Variants in DDX60L observed in about 807,000 individuals in gnomAD.
DDX60L encodes the protein probable ATP-dependent RNA helicase DDX60-like.
Under a neutral mutation model 211.6 loss-of-function variants are expected in DDX60L, and 191 were observed. The observed-to-expected ratio is 0.90, with a 90% CI of 0.80 to 1.02. DDX60L has a LOEUF of 1.02. DDX60L is among the 50% of genes least tolerant of loss of function. DDX60L has a pLI of 0.00. For synonymous variants in DDX60L, 706 were observed against 694.1 expected, an observed-to-expected ratio of 1.02 and a Z score of -0.27; for missense variants, 2,007 against 1,984.1, an observed-to-expected ratio of 1.01 and a Z score of -0.22.
In DDX60L at chr4:168,379,794, T is replaced by C. The variant is rs978248221; in HGVS notation, c.4153A>G (p.Lys1385Glu). The C allele has an allele frequency of 9.9e-6, 16 of 1,612,926 alleles. No individual in the cohort carries two copies. In the Admixed American group the frequency reaches 2.0e-4, roughly 20 times the overall value. The change falls in exon 31 of 38, where the codon AAG (lysine) becomes GAG (glutamate). Residue 1385 changes from lysine (K) to glutamate (E), a missense_variant. By Grantham distance (56) the Lys-to-Glu change is moderately conservative. Coordinates refer to ENST00000682922, the MANE Select transcript of DDX60L (RefSeq NM_001012967.3). The part of the protein sequence containing the change: ...SVLKHSLLSF[K>E]RRRAMETLKL... The stretch of plus-strand genomic sequence containing the variant: ...AAAGTCTCCATGGCTCTTCGTCTCT[T>C]AAAAGACAGCAATGAATGCTTTAGC...
intron 29 of DDX60L, chr4:168,390,589 AT>A: frequency 1.1e-6 from 1 of 938,132 alleles, no homozygotes; most frequent in Non-Finnish European, 1.5e-6. Flanking sequence ...TAAAATTTAT[AT>A]TTTATAATTT....
rs775578878 is a variant in DDX60L, at chr4:168,415,499, T to C, written c.2888A>G (p.Tyr963Cys). ...EVRLVLCGER[Y>C]NDLEKHICSV... is the part of the protein sequence containing the mutation. ...ACATATATGCTTCTCTAAATCATTG[T>C]ATCTCTCTCCACAGAGCACTAGATA... Residue 963 changes from tyrosine to cysteine, a missense_variant, in exon 22 of 38, where the codon TAC (tyrosine) becomes TGC (cysteine). By Grantham distance (194) the Tyr-to-Cys change is radical. Coordinates refer to ENST00000682922, the MANE Select transcript of DDX60L (RefSeq NM_001012967.3). 1.3e-6 allele frequency: 2 copies of C among 1,594,722 alleles called. No individual in the cohort carries two copies. The highest frequency in any genetic ancestry group is 1.7e-4 in the Middle Eastern group (1 of 5,976).
rs907697773 is a variant in DDX60L, at chr4:168,419,407, T to C, written c.2515-10A>G. ...GCACTGTAATAAGTACCTACAAATA[T>C]GAATGATTAGTGTAGCTAACTTTAT... is the stretch of plus-strand genomic sequence containing the variant. On this transcript the variant is annotated splice_polypyrimidine_tract_variant and intron_variant, in intron 18 of 37. Transcript: ENST00000682922. The C allele has an allele frequency of 1.3e-6, 2 of 1,560,026 alleles. No individual in the cohort carries two copies. Among genetic ancestry groups the C allele is most frequent in the African/African-American group, 1.4e-5 (1 of 74,006 alleles).
At chr4:168,430,739 G>T in intron 12 of DDX60L, 101 bp from the exon 13 acceptor site, 1 of 908,626 alleles carries the variant, frequency 1.1e-6, no homozygotes, top group Non-Finnish European at 1.5e-6. Flanking sequence ...TAATAATTCA[G>T]TATTTGCCAA....
chr4:168,418,220 A>G (rs1229546036), intron 19 of DDX60L, among the ~76,000 whole-genome samples: 2 of 152,118 alleles, frequency 1.3e-5, no homozygotes, highest in African/African-American at 4.8e-5. Flanking sequence ...GGAGCATGCC[A>G]CCATGCCTGG....
chr4:168,429,087 C>T (rs1457645670), intron 13 of DDX60L, among the ~76,000 whole-genome samples: 1 of 152,074 alleles, frequency 6.6e-6, no homozygotes, highest in East Asian at 1.9e-4. Flanking sequence ...AATGTTAGGC[C>T]TATTTTTACC....
rs113130760 is a variant in DDX60L at position 168,429,540 on chromosome 4, C to T, written c.1677+938G>A. ...TAAGCTTGTTATCAGATAAATCTAT[C>T]TTTTCTTATTCTAAAAAAGATAGAA... On this transcript the variant is annotated intron_variant, in intron 13 of 37. Coordinates refer to ENST00000682922, the MANE Select transcript of DDX60L (RefSeq NM_001012967.3). 2.7e-3 allele frequency among the ~76,000 whole-genome samples: 415 copies of T among 152,272 alleles called. 1 individual carries two copies. The highest frequency in any genetic ancestry group is 4.8e-3 in the Non-Finnish European group (329 of 68,018).
chr4:168,383,676 G>A (rs568041687), intron 30 of DDX60L, among the ~76,000 whole-genome samples: 1 of 152,222 alleles, frequency 6.6e-6, no homozygotes, highest in Non-Finnish European at 1.5e-5. Flanking sequence ...CATGACTGCT[G>A]TCACACCCTG....
intron 19 of DDX60L, among the ~76,000 whole-genome samples, chr4:168,417,201 A>G (rs1749716090): frequency 6.6e-6 from 1 of 152,098 alleles, no homozygotes; most frequent in South Asian, 2.1e-4. Flanking sequence ...ACCTAATTAA[A>G]TCCCTACACT....
At chr4:168,394,656 T>C (rs761663560) in intron 27 of DDX60L, 39 bp from the exon 28 acceptor site, 1 of 1,536,828 alleles carries the variant, frequency 6.5e-7, no homozygotes, top group South Asian at 1.2e-5. Flanking sequence ...TGATGATGTA[T>C]TTTATTTAAT....
chr4:168,377,545 G>A (rs1228591976), intron 33 of DDX60L, among the ~76,000 whole-genome samples: 1 of 152,046 alleles, frequency 6.6e-6, no homozygotes, highest in Non-Finnish European at 1.5e-5. Context: ...TCTATTTACA[G>A]TAGTAGTAAA....
Position 168,456,980 on chromosome 4 carries a change from G to T in DDX60L, c.724-828C>A, listed in dbSNP as rs1042473346. On this transcript the variant is annotated intron_variant, in intron 6 of 37. Transcript: ENST00000682922. ...AATCCCAAGACTTTGGGAGGCCAAGGTAGGAGGATCACTTGAGCCCAGGAG... is the reference window on the plus strand; with the variant it reads ...AATCCCAAGACTTTGGGAGGCCAAGTTAGGAGGATCACTTGAGCCCAGGAG... Among the ~76,000 whole-genome samples, 3 of 150,878 alleles carry T rather than the reference G, an allele frequency of 2.0e-5. No individual in the cohort carries two copies. The Admixed American group carries it at 2.0e-4, about 10-fold the overall frequency.
At chr4:168,437,541 C>T (rs1169552912) in intron 10 of DDX60L, among the ~76,000 whole-genome samples, 2 of 152,182 alleles carry the variant, frequency 1.3e-5, no homozygotes, top group African/African-American at 4.8e-5. Flanking sequence ...ACATTTAAGA[C>T]TGAGTTCTGA....
At position 168,472,732 on chromosome 4, in the gene DDX60L, G is replaced by A; in HGVS notation, c.-33C>T. On this transcript the variant is annotated 5_prime_UTR_variant, in exon 2 of 38. Coordinates refer to ENST00000682922, the MANE Select transcript of DDX60L (RefSeq NM_001012967.3). ...GCTTCTTGGGCTACAGGGTAGAAGA[G>A]TAGAGCTGGAATTTATTAAATATGG... 6.2e-7 allele frequency: 1 copy of A among 1,609,860 alleles called. No homozygotes were observed. Among genetic ancestry groups the A allele is most frequent in the Non-Finnish European group, 8.5e-7 (1 of 1,178,572 alleles).
Position 168,462,028 on chromosome 4 carries a change from C to T in DDX60L, c.277G>A (p.Ala93Thr). 6.3e-7 allele frequency: 1 copy of T among 1,599,210 alleles called. No individual in the cohort carries two copies. The highest frequency in any genetic ancestry group is 8.5e-7 in the Non-Finnish European group (1 of 1,170,456). Residue 93 changes from alanine (A) to threonine (T), a missense_variant, in exon 5 of 38, where the codon GCA becomes ACA. Ala to Thr is a moderately conservative substitution (Grantham distance 58). Transcript: ENST00000682922. ...TIVFFKDAEY[A>T]YFDFPELLSL... ...AGAAGTTCAGGAAAATCAAAATATG[C>T]ATATTCAGCATCCTGTGGTGAGAAA...
Position 168,432,454 on chromosome 4 carries a change from C to G in DDX60L, c.1516+1G>C, listed in dbSNP as rs748176837. ...TATTTTATCGTGGTTACAGAGCTCA[C>G]CATCAACATGACATTTGATCCTGTC... On this transcript the variant is annotated splice_donor_variant, in intron 12 of 37. Transcript: ENST00000682922. LOFTEE classifies it high-confidence loss of function. 7 of 1,548,762 alleles carry G rather than the reference C, an allele frequency of 4.5e-6. No individual in the cohort carries two copies. Among genetic ancestry groups the G allele is most frequent in the Middle Eastern group, 1.7e-4 (1 of 5,860 alleles).
intron 36 of DDX60L, 159 bp from the exon 37 acceptor site, chr4:168,361,370 G>A: frequency 2.0e-6 from 1 of 512,252 alleles, no homozygotes; most frequent in Non-Finnish European, 3.5e-6. Flanking sequence ...AAATTGAGAG[G>A]CATAGGTAAA....
At chr4:168,471,608 G>C (rs553534645) in intron 4 of DDX60L, 139 bp downstream of exon 4, 17 of 602,786 alleles carry the variant, frequency 2.8e-5, no homozygotes, top group African/African-American at 2.1e-4. Flanking sequence ...GAAATTATGG[G>C]TAATTTTTTC....
intron 8 of DDX60L, among the ~76,000 whole-genome samples, chr4:168,450,857 TG>T (rs1755713459): frequency 2.0e-5 from 3 of 152,134 alleles, no homozygotes; most frequent in African/African-American, 7.2e-5. Flanking sequence ...CAGTGAGCTA[TG>T]GTCATGCCAC....
Sources: allele counts gnomAD v4.1 joint callset (sites outside exome capture counted in the v4.1 genomes callset), GRCh38; gene constraint gnomAD v4.1.1; transcripts MANE v1.5; gene names NCBI Gene and HGNC (gene_info 2026-07-23, HGNC 2026-07-21).